HOMER1: variants seen among roughly 807,000 people sequenced by gnomAD.
HOMER1 encodes the protein homer scaffold protein 1, also known as homer protein homolog 1.
In HOMER1, 3 loss-of-function variants were observed where a neutral mutation model predicts 48.9. The ratio of observed to expected loss-of-function variants is 0.06; its 90% CI spans 0.03 to 0.16. HOMER1 has a LOEUF of 0.16. Ranked by LOEUF, HOMER1 falls within the 10% of genes least tolerant of loss-of-function variation. HOMER1 has a pLI of 1.00. For synonymous variants in HOMER1, 134 were observed against 146.4 expected, an observed-to-expected ratio of 0.92 and a Z score of 0.61; for missense variants, 247 against 411.4, an observed-to-expected ratio of 0.60 and a Z score of 3.46.
intron 8 of HOMER1, 102 bp downstream of exon 8, chr5:79,396,721 C>T: frequency 1.7e-6 from 1 of 579,650 alleles, no homozygotes; most frequent in Admixed American, 3.6e-5. Context: ...AGAAAAATGA[C>T]CAAAAACCTA....
At chr5:79,481,476 C>T (rs906329540) in intron 1 of HOMER1, among the ~76,000 whole-genome samples, 2 of 152,166 alleles carry the variant, frequency 1.3e-5, no homozygotes, top group African/African-American at 4.8e-5. Flanking sequence ...GAGTTTAAGA[C>T]AAAGTTGAAA....
intron 5 of HOMER1, among the ~76,000 whole-genome samples, chr5:79,409,423 C>T (rs1749757423): frequency 8.9e-6 from 1 of 112,534 alleles, no homozygotes; most frequent in Non-Finnish European, 1.7e-5. Flanking sequence ...CAGGGCAAGA[C>T]GTCTCAAAAA....
intron 4 of HOMER1, among the ~76,000 whole-genome samples, chr5:79,445,218 C>T (rs1750843485): frequency 6.6e-6 from 1 of 152,188 alleles, no homozygotes; most frequent in Non-Finnish European, 1.5e-5. Flanking sequence ...CTACTACTGA[C>T]ATTATTCCAG....
intron 6 of HOMER1, among the ~76,000 whole-genome samples, chr5:79,400,939 T>TTTC (rs1554057404): frequency 6.8e-6 from 1 of 146,380 alleles, no homozygotes; most frequent in African/African-American, 2.5e-5. Context: ...AAAAGATTTT[T>TTTC]TTTTTTTTTT....
chr5:79,461,699 T>G (rs1385824953), intron 1 of HOMER1, among the ~76,000 whole-genome samples: 1 of 152,264 alleles, frequency 6.6e-6, no homozygotes, highest in East Asian at 1.9e-4. Context: ...AATTCTGAGG[T>G]AAATATCTCA....
At chr5:79,395,318 T>C (rs901505515) in intron 8 of HOMER1, among the ~76,000 whole-genome samples, 6 of 152,220 alleles carry the variant, frequency 3.9e-5, no homozygotes, top group African/African-American at 1.2e-4. Flanking sequence ...AAGTTCTACA[T>C]CAGGATTTCT....
chr5:79,457,897 A>G (rs1255497147), intron 1 of HOMER1, among the ~76,000 whole-genome samples: 2 of 152,194 alleles, frequency 1.3e-5, no homozygotes, highest in Non-Finnish European at 2.9e-5. Flanking sequence ...TACAAAGTTA[A>G]TATTTTTACC....
chr5:79,470,361 T>C (rs995664173), intron 1 of HOMER1, among the ~76,000 whole-genome samples: 2 of 152,248 alleles, frequency 1.3e-5, no homozygotes, highest in Non-Finnish European at 2.9e-5. Context: ...TATTTATATA[T>C]GCTTGTCACA....
intron 8 of HOMER1, among the ~76,000 whole-genome samples, chr5:79,385,189 A>C (rs917789646): frequency 2.0e-5 from 3 of 152,136 alleles, no homozygotes; most frequent in African/African-American, 7.2e-5. Flanking sequence ...ACTTCTGGAC[A>C]TTGGTGTAGG....
At chr5:79,383,243 G>A (rs893486898) in intron 8 of HOMER1, among the ~76,000 whole-genome samples, 1 of 152,078 alleles carries the variant, frequency 6.6e-6, no homozygotes, top group Non-Finnish European at 1.5e-5. Flanking sequence ...AAGACAGATA[G>A]ATTCCAATAC....
chr5:79,413,909 A>G (rs1179700192), intron 5 of HOMER1, among the ~76,000 whole-genome samples: 3 of 152,122 alleles, frequency 2.0e-5, no homozygotes, highest in African/African-American at 7.2e-5. Context: ...TTATTGTCAA[A>G]AGGACCTAAA....
chr5:79,400,409 T>G (rs1053103115), intron 6 of HOMER1, among the ~76,000 whole-genome samples: 11 of 151,322 alleles, frequency 7.3e-5, no homozygotes, highest in East Asian at 1.9e-4. Context: ...AGCTGGAGTA[T>G]GCAGTGGCGT....
chr5:79,445,093 G>C (rs1449339049), intron 4 of HOMER1, among the ~76,000 whole-genome samples: 5 of 152,126 alleles, frequency 3.3e-5, no homozygotes, highest in Non-Finnish European at 7.4e-5. Flanking sequence ...CTGGGTGATA[G>C]AAGTGGAGAG....
chr5:79,415,936 A>G (rs147665251), intron 5 of HOMER1, among the ~76,000 whole-genome samples: 83 of 152,284 alleles, frequency 5.5e-4, no homozygotes, highest in African/African-American at 2.0e-3. Context: ...TCTCATCTAT[A>G]AAATTAGGGT....
intron 5 of HOMER1, among the ~76,000 whole-genome samples, chr5:79,405,352 C>A (rs1332453146): frequency 6.6e-6 from 1 of 152,124 alleles, no homozygotes; most frequent in Non-Finnish European, 1.5e-5. Flanking sequence ...ATAGTTTAAG[C>A]CATGCAGTCT....
chr5:79,412,949 T>C (rs936630127), intron 5 of HOMER1, among the ~76,000 whole-genome samples: 22 of 151,990 alleles, frequency 1.4e-4, no homozygotes, highest in Non-Finnish European at 3.1e-4. Context: ...ATAGAAGATA[T>C]AAGGAGGAAT....
intron 1 of HOMER1, among the ~76,000 whole-genome samples, chr5:79,483,052 A>G (rs1214375292): frequency 6.6e-6 from 1 of 152,134 alleles, no homozygotes; most frequent in East Asian, 1.9e-4. Flanking sequence ...CAAATCTGAT[A>G]CTACTATAAA....
chr5:79,381,363 T>A (rs898570030), intron 8 of HOMER1, among the ~76,000 whole-genome samples: 14 of 152,304 alleles, frequency 9.2e-5, no homozygotes, highest in African/African-American at 3.1e-4. Context: ...TCTTCCCCTA[T>A]GAAAGCAAAT....
chr5:79,465,585 T>TTC (rs1491455272), intron 1 of HOMER1, among the ~76,000 whole-genome samples: 145 of 40,348 alleles, frequency 3.6e-3, no homozygotes, highest in Non-Finnish European at 5.1e-3. Flanking sequence ...ACATTTCTTC[T>TTC]TTTTTTTTTT....
Sources: gnomAD v4.1 joint callset for allele counts (sites outside exome capture counted in the v4.1 genomes callset) on GRCh38, gnomAD v4.1.1 for gene constraint, MANE v1.5 for transcripts, NCBI Gene and HGNC (gene_info 2026-07-23, HGNC 2026-07-21) for gene names.